UNC5D: variants seen among roughly 807,000 people sequenced by gnomAD.
UNC5D encodes the protein netrin receptor UNC5D.
Under a neutral mutation model 105.4 loss-of-function variants are expected in UNC5D, and 39 were observed. The observed-to-expected ratio is 0.37, with a 90% CI of 0.29 to 0.48. The LOEUF is 0.48. Among genes scored for constraint, UNC5D ranks in the 20% least tolerant of loss-of-function variants. UNC5D has a pLI of 0.98. For missense variants in UNC5D, 991 were observed against 1,202.4 expected (o/e 0.82, Z 2.60); for synonymous variants, 452 against 450.4 (o/e 1.00, Z -0.04).
At chr8:35,439,827 A>C (rs1051572913) in intron 1 of UNC5D, among the ~76,000 whole-genome samples, 1 of 151,998 alleles carries the variant, frequency 6.6e-6, no homozygotes, top group African/African-American at 2.4e-5. Flanking sequence ...TAAATATGAA[A>C]AGCACAGTTC....
rs118019858 is a variant in UNC5D at position 35,314,215 on chromosome 8, T to C, written c.103+78328T>C. ...CTTGTTTTTAGAAAGTGTTACTGGA[T>C]TGTTGGTATAAGAGATGCTTTATCT... On this transcript the variant is annotated intron_variant, in intron 1 of 16. Coordinates refer to ENST00000404895, the MANE Select transcript of UNC5D (RefSeq NM_080872.4). Among the ~76,000 whole-genome samples the C allele has an allele frequency of 3.0e-3, 463 of 152,306 alleles. 7 individuals carry two copies. The East Asian group carries it at 0.037, about 12-fold the overall frequency.
chr8:35,767,084 A>C lies in UNC5D; in HGVS notation c.2478+18A>C. The C allele has an allele frequency of 6.3e-7, 1 of 1,593,688 alleles. No individual in the cohort carries two copies. Among genetic ancestry groups the C allele is most frequent in the South Asian group, 1.1e-5 (1 of 88,734 alleles). On this transcript the variant is annotated intron_variant, in intron 15 of 16. Transcript: ENST00000404895. Reference sequence around the variant, plus strand: ...TCCTAGAGGTGAGTCCTTGATCTACAGGTCATTTGACCCCCTTTCTGAAGG... The same window carrying C: ...TCCTAGAGGTGAGTCCTTGATCTACCGGTCATTTGACCCCCTTTCTGAAGG...
At chr8:35,753,892 G>A (rs150237138) in intron 13 of UNC5D, among the ~76,000 whole-genome samples, 62 of 152,260 alleles carry the variant, frequency 4.1e-4, no homozygotes, top group African/African-American at 1.4e-3. Flanking sequence ...GTACTCCTCC[G>A]TCTTAGTTTC....
At chr8:35,527,385 A>C (rs186123918) in intron 1 of UNC5D, among the ~76,000 whole-genome samples, 1 of 152,292 alleles carries the variant, frequency 6.6e-6, no homozygotes, top group Non-Finnish European at 1.5e-5. Flanking sequence ...AACAAGAGAA[A>C]CTTATTGCTC....
At chr8:35,762,801 C>T (rs1563743523) in intron 14 of UNC5D, among the ~76,000 whole-genome samples, 1 of 152,098 alleles carries the variant, frequency 6.6e-6, no homozygotes, top group African/African-American at 2.4e-5. Flanking sequence ...CAACAAAACA[C>T]AAAGTCAAGT....
At chr8:35,400,007 A>G (rs574116825) in intron 1 of UNC5D, among the ~76,000 whole-genome samples, 5 of 152,318 alleles carry the variant, frequency 3.3e-5, no homozygotes, top group Admixed American at 2.6e-4. Context: ...CTGCCTTTGT[A>G]TAAGAGTATT....
At chr8:35,507,957 C>G (rs1287235789) in intron 1 of UNC5D, among the ~76,000 whole-genome samples, 1 of 152,030 alleles carries the variant, frequency 6.6e-6, no homozygotes, top group South Asian at 2.1e-4. Context: ...TACCAAGAAA[C>G]CTTGCTTTTG....
chr8:35,578,278 AAAAG>A (rs918363320), intron 3 of UNC5D, among the ~76,000 whole-genome samples: 67 of 151,154 alleles, frequency 4.4e-4, no homozygotes, highest in South Asian at 4.0e-3. Flanking sequence ...TCAAAAAAAA[AAAAG>A]AAAGAGAAAA....
chr8:35,336,801 TTTC>T (rs1423412780), intron 1 of UNC5D, among the ~76,000 whole-genome samples: 3 of 151,750 alleles, frequency 2.0e-5, no homozygotes, highest in African/African-American at 7.3e-5. Context: ...GTTTTTTTTT[TTTC>T]TTTATTTTTA....
chr8:35,520,042 C>T (rs1813355085), intron 1 of UNC5D, among the ~76,000 whole-genome samples: 1 of 151,756 alleles, frequency 6.6e-6, no homozygotes. Context: ...TGCCATATGA[C>T]CCCCCCAATT....
chr8:35,573,846 T>C (rs1257375766), intron 3 of UNC5D, among the ~76,000 whole-genome samples: 2 of 152,238 alleles, frequency 1.3e-5, no homozygotes, highest in Non-Finnish European at 2.9e-5. Flanking sequence ...AGGAAGATGT[T>C]GGCTGCTGTC....
At chr8:35,718,949 G>C (rs569640521) in intron 8 of UNC5D, among the ~76,000 whole-genome samples, 210 of 152,242 alleles carry the variant, frequency 1.4e-3, no homozygotes, top group Non-Finnish European at 2.6e-3. Flanking sequence ...AGGGCTGAAA[G>C]GCTGAGCGCA....
chr8:35,596,899 GT>G (rs767557385), intron 4 of UNC5D, among the ~76,000 whole-genome samples: 2 of 152,134 alleles, frequency 1.3e-5, no homozygotes, highest in African/African-American at 2.4e-5. Context: ...CTTTAGCTTA[GT>G]GATTTGGGGG....
intron 1 of UNC5D, among the ~76,000 whole-genome samples, chr8:35,290,516 A>T (rs1271010338): frequency 6.6e-6 from 1 of 152,156 alleles, no homozygotes. Context: ...GAAGTTGTTA[A>T]TCAAAGGTTA....
At chr8:35,677,992 A>G (rs1429860855) in intron 4 of UNC5D, among the ~76,000 whole-genome samples, 1 of 151,730 alleles carries the variant, frequency 6.6e-6, no homozygotes, top group African/African-American at 2.4e-5. Context: ...GTGTGTGTGT[A>G]TAGATAGATA....
At chr8:35,630,098 A>T (rs561745204) in intron 4 of UNC5D, among the ~76,000 whole-genome samples, 1 of 152,334 alleles carries the variant, frequency 6.6e-6, no homozygotes, top group South Asian at 2.1e-4. Context: ...GTCTGGACTG[A>T]AATTACTTAA....
intron 1 of UNC5D, among the ~76,000 whole-genome samples, chr8:35,471,262 G>T (rs1179751486): frequency 6.6e-6 from 1 of 152,088 alleles, no homozygotes; most frequent in Non-Finnish European, 1.5e-5. Flanking sequence ...TATACCAGGA[G>T]ATTCCTTGAG....
At chr8:35,357,517 G>C (rs114055471) in intron 1 of UNC5D, among the ~76,000 whole-genome samples, 1,738 of 152,256 alleles carry the variant, frequency 0.011, 40 homozygotes, top group African/African-American at 0.041. Context: ...CACCGAAGCA[G>C]GTTAATTCTA....
At chr8:35,670,852 T>C (rs1295171608) in intron 4 of UNC5D, among the ~76,000 whole-genome samples, 1 of 152,156 alleles carries the variant, frequency 6.6e-6, no homozygotes, top group African/African-American at 2.4e-5. Flanking sequence ...ATTCTGCACA[T>C]GTATCCTGGA....
Sources: gnomAD v4.1 joint callset for allele counts (sites outside exome capture counted in the v4.1 genomes callset) on GRCh38, gnomAD v4.1.1 for gene constraint, MANE v1.5 for transcripts, NCBI Gene and HGNC (gene_info 2026-07-23, HGNC 2026-07-21) for gene names.